The following ZMIZ1 variants were observed in gnomAD, a reference collection of about 807,000 sequenced individuals.
ZMIZ1 encodes the protein zinc finger MIZ-type containing 1.
Under a neutral mutation model 113.9 loss-of-function variants are expected in ZMIZ1, and 17 were observed. The ratio of observed to expected loss-of-function variants is 0.15; its 90% CI spans 0.10 to 0.22. The LOEUF is 0.22. ZMIZ1 is among the 10% of genes least tolerant of loss of function. ZMIZ1 has a pLI of 1.00. For missense variants in ZMIZ1, 1,059 were observed against 1,477.8 expected, an observed-to-expected ratio of 0.72 and a Z score of 4.65; for synonymous variants, 607 against 603.1, an observed-to-expected ratio of 1.01 and a Z score of -0.09.
intron 4 of ZMIZ1, among the ~76,000 whole-genome samples, chr10:79,164,127 C>T (rs187021161): frequency 1.2e-3 from 189 of 152,284 alleles, no homozygotes; most frequent in Non-Finnish European, 3.1e-4. Context: ...GTCCTAGACA[C>T]GGCTGGGGGT....
rs764595026 is a variant in ZMIZ1 at position 79,291,087 on chromosome 10, C to T, written c.669C>T (p.Phe223=). 13 of 1,614,266 alleles carry T rather than the reference C, an allele frequency of 8.1e-6. No homozygotes were observed. The South Asian group carries it at 1.3e-4, about 16-fold the overall frequency. Residue 223 remains phenylalanine (F), a synonymous_variant, in exon 10 of 25, where the codon TTC becomes TTT. Transcript: ENST00000334512. ...AGTTTGCGGGGCAGCAGCAGCAGTT[C>T]TCAGCCAAGGCTGGCCCCGCTCAGC... is the stretch of plus-strand genomic sequence containing the variant. ...SPQFAGQQQQ[F]SAKAGPAQPY... is the part of the protein sequence containing the mutation.
intron 18 of ZMIZ1, among the ~76,000 whole-genome samples, chr10:79,303,578 G>T (rs1347471539): frequency 6.6e-6 from 1 of 151,804 alleles, no homozygotes; most frequent in Non-Finnish European, 1.5e-5. Flanking sequence ...TCACATTGCT[G>T]CCCTGAGTCC....
intron 1 of ZMIZ1, among the ~76,000 whole-genome samples, chr10:79,113,334 G>A (rs775465764): frequency 1.3e-5 from 2 of 152,242 alleles, no homozygotes; most frequent in Admixed American, 6.5e-5. Flanking sequence ...CATGGTCTGC[G>A]TCATACTGGC....
At chr10:79,223,725 T>C (rs1849087446) in intron 7 of ZMIZ1, among the ~76,000 whole-genome samples, 2 of 152,332 alleles carry the variant, frequency 1.3e-5, no homozygotes, top group South Asian at 4.1e-4. Context: ...GTCTGATTTC[T>C]AGGATGGTCA....
chr10:79,133,041 C>T (rs1216004810), intron 2 of ZMIZ1, among the ~76,000 whole-genome samples: 1 of 152,128 alleles, frequency 6.6e-6, no homozygotes, highest in East Asian at 1.9e-4. Context: ...AGAGGCTGTC[C>T]ACTCCCTTGA....
chr10:79,205,791 G>C (rs2132671420), intron 5 of ZMIZ1, among the ~76,000 whole-genome samples: 1 of 152,310 alleles, frequency 6.6e-6, no homozygotes, highest in South Asian at 2.1e-4. Context: ...GGCACAGAGA[G>C]GGGAGGGGGC....
chr10:79,304,934 C>G (rs1004367411), intron 19 of ZMIZ1, among the ~76,000 whole-genome samples: 2 of 152,154 alleles, frequency 1.3e-5, no homozygotes, highest in African/African-American at 4.8e-5. Context: ...GATGTAGGCA[C>G]AGGGTCATTT....
intron 5 of ZMIZ1, among the ~76,000 whole-genome samples, chr10:79,202,743 C>G (rs561012729): frequency 6.6e-6 from 1 of 152,232 alleles, no homozygotes; most frequent in Non-Finnish European, 1.5e-5. Context: ...CTGGGCCCAG[C>G]TCCCACTGCC....
chr10:79,121,809 T>G (rs1844303753), intron 2 of ZMIZ1, among the ~76,000 whole-genome samples: 1 of 152,034 alleles, frequency 6.6e-6, no homozygotes, highest in African/African-American at 2.4e-5. Context: ...GAGGAGAAAT[T>G]TGCTAGGTTG....
At chr10:79,225,964 G>A (rs530915308) in intron 7 of ZMIZ1, among the ~76,000 whole-genome samples, 7 of 152,286 alleles carry the variant, frequency 4.6e-5, no homozygotes, top group Admixed American at 1.3e-4. Context: ...ATACTAAACT[G>A]GAATTTTAAG....
At chr10:79,165,150 C>T (rs1472252884) in intron 4 of ZMIZ1, among the ~76,000 whole-genome samples, 1 of 152,278 alleles carries the variant, frequency 6.6e-6, no homozygotes, top group Non-Finnish European at 1.5e-5. Context: ...GCTGGTCTGT[C>T]TGGTGTAACC....
At chr10:79,215,619 G>A (rs1255262057) in intron 6 of ZMIZ1, among the ~76,000 whole-genome samples, 3 of 152,140 alleles carry the variant, frequency 2.0e-5, no homozygotes, top group Admixed American at 1.3e-4. Context: ...CTTTAGATGA[G>A]ATGCATGCTG....
At chr10:79,287,888 C>T (rs944414143) in intron 8 of ZMIZ1, among the ~76,000 whole-genome samples, 5 of 152,118 alleles carry the variant, frequency 3.3e-5, no homozygotes, top group African/African-American at 9.6e-5. Context: ...GGCAGACAGA[C>T]AATAATCAAA....
rs1853451208 is a variant in ZMIZ1 at position 79,290,924 on chromosome 10, A to G, written c.541-35A>G. On this transcript the variant is annotated intron_variant, in intron 9 of 24. Transcript: ENST00000334512. ...TCTTCCTCTCCACACTGCCTCGGGTAGCACCTTAGGTGACAACCACTTCTC... is the reference window on the plus strand; with the variant it reads ...TCTTCCTCTCCACACTGCCTCGGGTGGCACCTTAGGTGACAACCACTTCTC... 5.0e-6 allele frequency: 8 copies of G among 1,604,502 alleles called. No individual in the cohort carries two copies. The African/African-American group carries it at 6.7e-5, about 13-fold the overall frequency.
At chr10:79,125,662 G>A (rs1044299954) in intron 2 of ZMIZ1, among the ~76,000 whole-genome samples, 5 of 152,204 alleles carry the variant, frequency 3.3e-5, no homozygotes, top group Admixed American at 6.5e-5. Context: ...TGAAGCCTCA[G>A]CGACCTTGCA....
intron 2 of ZMIZ1, among the ~76,000 whole-genome samples, chr10:79,134,875 C>G (rs979463312): frequency 8.6e-5 from 13 of 151,724 alleles, no homozygotes; most frequent in African/African-American, 3.1e-4. Flanking sequence ...GTTGCCCAGG[C>G]TGGTGCTATC....
chr10:79,240,086 C>T (rs1336152897), intron 7 of ZMIZ1, among the ~76,000 whole-genome samples: 2 of 152,226 alleles, frequency 1.3e-5, no homozygotes, highest in African/African-American at 2.4e-5. Context: ...CAAACACCCG[C>T]GAGAAAAGCC....
chr10:79,264,505 C>T (rs1851469770), intron 7 of ZMIZ1, among the ~76,000 whole-genome samples: 1 of 152,218 alleles, frequency 6.6e-6, no homozygotes, highest in Admixed American at 6.5e-5. Context: ...ACCTAATTTC[C>T]TACTGAGGTG....
At chr10:79,151,490 C>T (rs535721349) in intron 3 of ZMIZ1, among the ~76,000 whole-genome samples, 2 of 152,306 alleles carry the variant, frequency 1.3e-5, no homozygotes, top group African/African-American at 2.4e-5. Flanking sequence ...AAGCCTGGCA[C>T]ACTCATCCGG....
Sources: gnomAD v4.1 joint callset for allele counts (sites outside exome capture counted in the v4.1 genomes callset) on GRCh38, gnomAD v4.1.1 for gene constraint, MANE v1.5 for transcripts, NCBI Gene and HGNC (gene_info 2026-07-23, HGNC 2026-07-21) for gene names.